The following NUP98 variants were observed in gnomAD, a reference collection of about 807,000 sequenced individuals.
The protein encoded by NUP98 is nucleoporin 98 and 96 precursor.
NUP98 carries 26 observed loss-of-function variants against 191.9 expected under a neutral mutation model. The ratio of observed to expected loss-of-function variants is 0.14; its 90% CI spans 0.10 to 0.19. The LOEUF (loss-of-function observed/expected upper bound fraction) is 0.19, where lower values mean the gene tolerates loss of function less well. Among genes scored for constraint, NUP98 ranks in the 10% least tolerant of loss-of-function variants. The pLI, the probability that NUP98 is intolerant of heterozygous loss-of-function variation, is 1.00. For missense variants in NUP98, 1,941 were observed against 2,178.8 expected, an observed-to-expected ratio of 0.89 and a Z score of 2.17; for synonymous variants, 808 against 778.4, an observed-to-expected ratio of 1.04 and a Z score of -0.63.
chr11:3,742,318 T>C (rs1394776241), intron 12 of NUP98, among the ~76,000 whole-genome samples: 1 of 152,192 alleles, frequency 6.6e-6, no homozygotes, highest in African/African-American at 2.4e-5. Flanking sequence ...ACAGTTCATT[T>C]GCAACTATTA....
intron 1 of NUP98, among the ~76,000 whole-genome samples, chr11:3,789,291 A>G (rs944210098): frequency 7.2e-5 from 11 of 152,296 alleles, no homozygotes; most frequent in East Asian, 3.9e-4. Context: ...CTAGAATGCC[A>G]TAATTTCTTA....
intron 20 of NUP98, chr11:3,711,621 A>G (rs2079024910): frequency 5.9e-6 from 1 of 169,916 alleles, no homozygotes; most frequent in Admixed American, 6.4e-5. Context: ...GGAAAGAAGG[A>G]GATGATACAA....
Position 3,702,892 on chromosome 11 carries a change from A to T in NUP98, c.3083T>A (p.Val1028Asp), listed in dbSNP as rs758791629. Residue 1028 changes from valine to aspartate, a missense_variant and splice_region_variant, in exon 23 of 33, where the codon GTT becomes GAT. Physicochemically the swap from Val to Asp is radical, Grantham distance 152. Around this residue, in one of 6 missense-constraint regions of NUP98, gnomAD observed 1,030 missense variants for 1,115.8 expected, o/e 0.92. Transcript: ENST00000324932. ...AAATTTTGATTGTAGTAACCCACCA[A>T]CTGAAATGAAGCGGGAATGAAGGGG... The part of the protein sequence containing the change: ...ASHSSKTRSL[V>D]GGLLQSKFTS... The T allele has an allele frequency of 1.1e-5, 18 of 1,601,086 alleles. No homozygotes were observed. The highest frequency in any genetic ancestry group is 6.8e-5 in the Admixed American group (4 of 58,846).
chr11:3,688,908 A>C (rs986545475), intron 28 of NUP98, among the ~76,000 whole-genome samples: 3 of 150,392 alleles, frequency 2.0e-5, no homozygotes, highest in Admixed American at 6.6e-5. Flanking sequence ...GAAAAAAAAA[A>C]CAAAAACTGT....
At chr11:3,690,592 AT>A (rs2078282582) in intron 28 of NUP98, among the ~76,000 whole-genome samples, 1 of 152,186 alleles carries the variant, frequency 6.6e-6, no homozygotes, top group Non-Finnish European at 1.5e-5. Flanking sequence ...GTACACACAG[AT>A]TCACATATAC....
In NUP98 at chr11:3,737,318, TAAC is replaced by T. The variant is rs1278510324; in HGVS notation, c.1409-1997_1409-1995del. Among the ~76,000 whole-genome samples the T allele has an allele frequency of 8.9e-5, 3 of 33,778 alleles. 1 individual carries two copies. The highest frequency in any genetic ancestry group is 4.2e-4 in the African/African-American group (3 of 7,218). 22.2% of individuals were successfully genotyped at this position (33,778 alleles called of 152,430 possible). Reference sequence around the variant, plus strand: ...AGTGGGTGGAGAACAAAAGCAGTAATAACAAAAAAAAAAAAAAAAAAAAGAGGC... The same window carrying T: ...AGTGGGTGGAGAACAAAAGCAGTAATAAAAAAAAAAAAAAAAAAAAGAGGC... On this transcript the variant is annotated intron_variant, in intron 12 of 32. Coordinates refer to ENST00000324932, the MANE Select transcript of NUP98 (RefSeq NM_016320.5).
chr11:3,693,132 G>A (rs754398521), intron 27 of NUP98, 100 bp downstream of exon 27: 15 of 1,194,660 alleles, frequency 1.3e-5, no homozygotes, highest in South Asian at 4.1e-5. Context: ...AGAGGAAGGA[G>A]TAAAGGATAG....
chr11:3,755,009 ACTTTT>A (rs948671067), intron 10 of NUP98, among the ~76,000 whole-genome samples: 26 of 150,520 alleles, frequency 1.7e-4, no homozygotes, highest in African/African-American at 6.3e-4. Flanking sequence ...TGCTGCCATT[ACTTTT>A]CTTTTCTTCA....
intron 1 of NUP98, among the ~76,000 whole-genome samples, chr11:3,790,594 G>C (rs2082302644): frequency 6.6e-6 from 1 of 152,030 alleles, no homozygotes; most frequent in Non-Finnish European, 1.5e-5. Flanking sequence ...AAAAATGCTG[G>C]GAACTCAGCA....
At chr11:3,718,145 T>C (rs1263597263) in intron 18 of NUP98, among the ~76,000 whole-genome samples, 2 of 152,196 alleles carry the variant, frequency 1.3e-5, no homozygotes, top group Non-Finnish European at 2.9e-5. Context: ...GTAGGACTGG[T>C]GTTATTTCTT....
chr11:3,720,053 G>A (rs761650257), intron 17 of NUP98, among the ~76,000 whole-genome samples: 5 of 152,046 alleles, frequency 3.3e-5, no homozygotes, highest in Admixed American at 6.6e-5. Flanking sequence ...GAGTCACTGC[G>A]ACAGGCCTAA....
chr11:3,684,641 G>A (rs1240321433), intron 29 of NUP98, among the ~76,000 whole-genome samples: 1 of 151,716 alleles, frequency 6.6e-6, no homozygotes, highest in Non-Finnish European at 1.5e-5. Context: ...AGAAGAAAGA[G>A]AAACTGCTTA....
intron 2 of NUP98, among the ~76,000 whole-genome samples, chr11:3,780,472 G>A (rs549973547): frequency 3.4e-5 from 5 of 147,812 alleles, no homozygotes; most frequent in African/African-American, 1.2e-4. Context: ...AACCCAGGAG[G>A]CGGAAGTCGC....
intron 10 of NUP98, among the ~76,000 whole-genome samples, chr11:3,757,037 G>T (rs954920210): frequency 2.0e-5 from 3 of 151,296 alleles, no homozygotes; most frequent in Non-Finnish European, 2.9e-5. Flanking sequence ...GCAGCAAACC[G>T]AGATCGTGCC....
chr11:3,707,580 C>A (rs1249153079), intron 20 of NUP98, among the ~76,000 whole-genome samples: 2 of 150,220 alleles, frequency 1.3e-5, no homozygotes, highest in African/African-American at 2.5e-5. Context: ...GTGAAACTGT[C>A]TCTACTAAAA....
In NUP98 at chr11:3,778,911, T is replaced by C; in HGVS notation, c.317A>G (p.Asn106Ser). 1 of 1,614,174 alleles carries C rather than the reference T, an allele frequency of 6.2e-7. No homozygotes were observed. The highest frequency in any genetic ancestry group is 2.2e-5 in the East Asian group (1 of 44,880). The change falls in exon 4 of 33, where the codon AAC (asparagine) becomes AGC (serine). Residue 106 changes from asparagine (N) to serine (S), a missense_variant. Physicochemically the swap from Asn to Ser is conservative, Grantham distance 46. Transcript: ENST00000324932. The stretch of plus-strand genomic sequence containing the variant: ...TGGTTTATTTTGTGCAAAGGCATTG[T>C]TTTGGGATGAGAAGAGACTGGTCCC... ...STGTSLFSSQ[N>S]NAFAQNKPTG...
At chr11:3,695,912 C>A (rs1048218174) in intron 25 of NUP98, among the ~76,000 whole-genome samples, 2 of 152,158 alleles carry the variant, frequency 1.3e-5, no homozygotes, top group African/African-American at 4.8e-5. Flanking sequence ...AGGAAAACAG[C>A]CCGGCATGGT....
intron 8 of NUP98, among the ~76,000 whole-genome samples, chr11:3,765,378 T>C (rs1336211561): frequency 6.6e-6 from 1 of 152,208 alleles, no homozygotes; most frequent in East Asian, 1.9e-4. Context: ...AAGGTTTTAA[T>C]TTTGAAAAAG....
chr11:3,722,850 C>G (rs1416449032), intron 16 of NUP98, among the ~76,000 whole-genome samples: 1 of 152,074 alleles, frequency 6.6e-6, no homozygotes, highest in Non-Finnish European at 1.5e-5. Flanking sequence ...AATAAGCAAT[C>G]TATCCGAGTT....
Sources: gnomAD v4.1 joint callset for allele counts (sites outside exome capture counted in the v4.1 genomes callset) on GRCh38, gnomAD v4.1.1 for gene constraint, gnomAD v4.1.1 regional missense constraint, MANE v1.5 for transcripts, NCBI Gene and HGNC (gene_info 2026-07-23, HGNC 2026-07-21) for gene names.